DHX35: variants seen among roughly 807,000 people sequenced by gnomAD.
DHX35 encodes the protein probable ATP-dependent RNA helicase DHX35.
In DHX35, 84 loss-of-function variants were observed where a neutral mutation model predicts 99.6. The ratio of observed to expected loss-of-function variants is 0.84; its 90% CI spans 0.71 to 1.01. The LOEUF (loss-of-function observed/expected upper bound fraction) is 1.01. DHX35 is among the 50% of genes least tolerant of loss of function. The probability of loss-of-function intolerance (pLI) is 0.00; values close to 1 mark genes in which losing one functional copy is unlikely to be tolerated. For synonymous variants in DHX35, 331 were observed against 316.2 expected (o/e 1.05, Z -0.50); for missense variants, 852 against 888.5 (o/e 0.96, Z 0.52).
chr20:39,001,325 TC>T (rs2086516622), intron 8 of DHX35, among the ~76,000 whole-genome samples: 1 of 152,172 alleles, frequency 6.6e-6, no homozygotes, highest in Non-Finnish European at 1.5e-5. Flanking sequence ...ATCTGTGTTT[TC>T]CAGATAGAGT....
rs376913505 is a variant in DHX35, at chr20:38,994,846, G to A, written c.608G>A (p.Arg203Gln). ...KKIQKKRGDL[R>Q]LIVASATLDA... Reference sequence around the variant, plus strand: ...ATTCAGAAAAAGCGAGGGGATCTTCGATTGATTGTAGCTTCAGCCACTCTG... The same window carrying A: ...ATTCAGAAAAAGCGAGGGGATCTTCAATTGATTGTAGCTTCAGCCACTCTG... The change falls in exon 8 of 22, where the codon CGA becomes CAA. Residue 203 changes from arginine (R) to glutamine (Q), a missense_variant. Arg to Gln is a conservative substitution (Grantham distance 43). Transcript: ENST00000252011. 1.1e-5 allele frequency: 17 copies of A among 1,613,512 alleles called. No individual in the cohort carries two copies. The highest frequency in any genetic ancestry group is 6.7e-5 in the East Asian group (3 of 44,886).
At chr20:38,962,664 C>T (rs1282306731) in intron 1 of DHX35, 2 of 521,236 alleles carry the variant, frequency 3.8e-6, no homozygotes, top group South Asian at 4.9e-5. Flanking sequence ...TCGTCTTCCT[C>T]GTTACTGATG....
chr20:38,974,630 G>T (rs1042162740), intron 3 of DHX35, among the ~76,000 whole-genome samples: 8 of 152,294 alleles, frequency 5.3e-5, no homozygotes, highest in African/African-American at 1.9e-4. Flanking sequence ...CTGAAGCTTG[G>T]CAGAGGTCAG....
intron 5 of DHX35, among the ~76,000 whole-genome samples, chr20:38,989,337 A>G (rs1289984346): frequency 6.8e-6 from 1 of 146,900 alleles, no homozygotes; most frequent in Admixed American, 6.9e-5. Flanking sequence ...GATGGTCTCA[A>G]TCTCCTGACT....
At chr20:39,036,830 G>C (rs934450879) in intron 21 of DHX35, among the ~76,000 whole-genome samples, 1 of 148,356 alleles carries the variant, frequency 6.7e-6, no homozygotes, top group African/African-American at 2.5e-5. Flanking sequence ...TTTCTTAACT[G>C]TATAGTCCAA....
intron 2 of DHX35, among the ~76,000 whole-genome samples, chr20:38,969,418 A>G (rs1403595471): frequency 2.0e-5 from 3 of 152,222 alleles, no homozygotes; most frequent in Non-Finnish European, 4.4e-5. Flanking sequence ...TTTCAGTTGC[A>G]TCGTACATAC....
rs1443990414 is a variant in DHX35, at chr20:39,038,503, T to C, written c.2072T>C (p.Leu691Pro). 6.2e-7 allele frequency: 1 copy of C among 1,613,632 alleles called. No homozygotes were observed. The highest frequency in any genetic ancestry group is 2.2e-5 in the East Asian group (1 of 44,894). ...APHFYQQGTH[L>P]SLKAKRAKVQ... ...GTGTCTTCTCTTCTGTTGCAGCACC[T>C]GTCTCTGAAAGCCAAAAGGGCCAAG... The change falls in exon 22 of 22, where the codon CTG becomes CCG. Residue 691 changes from leucine (L) to proline (P), a missense_variant. Physicochemically the swap from Leu to Pro is moderately conservative, Grantham distance 98. Transcript: ENST00000252011.
In DHX35 at chr20:39,023,761, T is replaced by C. The variant is rs202098597; in HGVS notation, c.1665T>C (p.Phe555=). 1 of 1,613,776 alleles carries C rather than the reference T, an allele frequency of 6.2e-7. No homozygotes were observed. Among genetic ancestry groups the C allele is most frequent in the Non-Finnish European group, 8.5e-7 (1 of 1,179,694 alleles). The part of the protein sequence containing the change: ...HLTMLNIYEA[F]IKHNKDSKWC... ...CTATGCTCAATATATATGAAGCATT[T>C]ATCAAAGTAAGCACAACTACTGCTC... The change falls in exon 17 of 22, where the codon TTT becomes TTC. Residue 555 remains phenylalanine (F), a synonymous_variant. Transcript: ENST00000252011.
At chr20:39,010,778 C>G (rs1035823459) in intron 13 of DHX35, among the ~76,000 whole-genome samples, 1 of 152,118 alleles carries the variant, frequency 6.6e-6, no homozygotes, top group Admixed American at 6.5e-5. Context: ...TTTGTAGAGG[C>G]CTAGATGCAG....
chr20:39,000,841 C>G (rs375326273), intron 8 of DHX35, among the ~76,000 whole-genome samples: 1 of 152,252 alleles, frequency 6.6e-6, no homozygotes, highest in South Asian at 2.1e-4. Flanking sequence ...CTCCACCCGA[C>G]GGGATATCCA....
chr20:38,962,444 G>C (rs1009105605), intron 1 of DHX35, 37 bp downstream of exon 1: 1 of 1,605,462 alleles, frequency 6.2e-7, no homozygotes, highest in Non-Finnish European at 8.5e-7. Context: ...AGATGCGGCG[G>C]CCTGACTTCG....
intron 20 of DHX35, among the ~76,000 whole-genome samples, chr20:39,032,937 A>G (rs2087081190): frequency 6.6e-6 from 1 of 152,182 alleles, no homozygotes; most frequent in Non-Finnish European, 1.5e-5. Context: ...TGTGGTCAGG[A>G]TACGCACACT....
At chr20:39,008,868 C>G (rs2086658002) in intron 12 of DHX35, among the ~76,000 whole-genome samples, 1 of 152,174 alleles carries the variant, frequency 6.6e-6, no homozygotes, top group African/African-American at 2.4e-5. Flanking sequence ...ATGCAGCTTC[C>G]CTGGAGGCCT....
chr20:39,025,473 A>G (rs1377997239), intron 18 of DHX35, 114 bp downstream of exon 18: 3 of 1,259,666 alleles, frequency 2.4e-6, no homozygotes, highest in Non-Finnish European at 3.2e-6. Flanking sequence ...CTGTACCAAC[A>G]CTGGGTTTTA....
At chr20:39,022,032 G>A (rs956825662) in intron 16 of DHX35, 97 bp downstream of exon 16, 4 of 1,192,614 alleles carry the variant, frequency 3.4e-6, no homozygotes, top group Middle Eastern at 2.0e-4. Context: ...AGACAGAGCT[G>A]TACAAATGTG....
In DHX35 at chr20:39,038,479, T is replaced by G. The variant is rs759744440; in HGVS notation, c.2068-20T>G. 2.5e-6 allele frequency: 4 copies of G among 1,613,516 alleles called. No homozygotes were observed. The East Asian group carries it at 8.9e-5, about 36-fold the overall frequency. ...TTTGTCTAATCAACCCCAACTGTAG[T>G]GTCTTCTCTTCTGTTGCAGCACCTG... On this transcript the variant is annotated intron_variant, in intron 21 of 21. Transcript: ENST00000252011.
intron 1 of DHX35, among the ~76,000 whole-genome samples, chr20:38,966,832 A>G (rs1430566833): frequency 6.6e-6 from 1 of 152,226 alleles, no homozygotes; most frequent in East Asian, 1.9e-4. Flanking sequence ...GCAGAAAAGG[A>G]TAAGGTATTC....
chr20:38,982,643 T>G (rs944121007), intron 3 of DHX35, among the ~76,000 whole-genome samples: 5 of 152,144 alleles, frequency 3.3e-5, no homozygotes, highest in Admixed American at 3.3e-4. Context: ...CATTTCCCCT[T>G]CTTTCTACAC....
At chr20:39,028,383 G>A (rs1338329146) in intron 18 of DHX35, 35 bp from the exon 19 acceptor site, 11 of 1,609,340 alleles carry the variant, frequency 6.8e-6, no homozygotes, top group Non-Finnish European at 8.5e-6. Context: ...GGCAGGCAAG[G>A]GTTTCACCCG....
Sources: gnomAD v4.1 joint callset for allele counts (sites outside exome capture counted in the v4.1 genomes callset) on GRCh38, gnomAD v4.1.1 for gene constraint, MANE v1.5 for transcripts, NCBI Gene and HGNC (gene_info 2026-07-23, HGNC 2026-07-21) for gene names.